The following PLXDC1 variants were observed in gnomAD, a reference collection of about 807,000 sequenced individuals.
The protein encoded by PLXDC1 is plexin domain-containing protein 1.
Under a neutral mutation model 61.3 loss-of-function variants are expected in PLXDC1, and 39 were observed. The observed-to-expected ratio is 0.64, with a 90% CI of 0.49 to 0.83. The LOEUF (loss-of-function observed/expected upper bound fraction) is 0.83. PLXDC1 is among the 40% of genes least tolerant of loss of function. The pLI is 0.00. For missense variants in PLXDC1, 596 were observed against 666.5 expected (o/e 0.89, Z 1.17); for synonymous variants, 212 against 254.5 (o/e 0.83, Z 1.59).
intron 4 of PLXDC1, 104 bp downstream of exon 4, chr17:39,108,800 C>T (rs549755478): frequency 1.3e-6 from 1 of 751,556 alleles, no homozygotes; most frequent in East Asian, 2.6e-5. Flanking sequence ...GTGCCTTCCT[C>T]CCATTTCATA....
intron 8 of PLXDC1, among the ~76,000 whole-genome samples, chr17:39,084,401 C>G (rs1048947480): frequency 6.6e-6 from 1 of 152,210 alleles, no homozygotes; most frequent in Non-Finnish European, 1.5e-5. Context: ...TCATGGTAAC[C>G]ATCTCACTGT....
rs1555573193 is a variant in PLXDC1, at chr17:39,128,117, A to ATATATATG, written c.255+11536_255+11537insCATATATA. Among the ~76,000 whole-genome samples, 299 of 96,394 alleles carry ATATATATG rather than the reference A, an allele frequency of 3.1e-3. 15 individuals are homozygous for ATATATATG. The highest frequency in any genetic ancestry group is 0.013 in the African/African-American group (265 of 19,652). 63.2% of individuals were successfully genotyped at this position (96,394 alleles called of 152,430 possible). On this transcript the variant is annotated intron_variant, in intron 2 of 13. Coordinates refer to ENST00000315392, the MANE Select transcript of PLXDC1 (RefSeq NM_020405.5). Reference sequence around the variant, plus strand: ...TATGTGTATATATATATATATATGTATATATATATGTGTATATATATGTAT... The same window carrying ATATATATG: ...TATGTGTATATATATATATATATGTATATATATGTATATATATGTGTATATATATGTAT...
chr17:39,110,857 G>A (rs913729682), intron 2 of PLXDC1, among the ~76,000 whole-genome samples: 3 of 152,166 alleles, frequency 2.0e-5, no homozygotes, highest in African/African-American at 4.8e-5. Flanking sequence ...GACGATGAGC[G>A]GAAGAAGCAT....
At chr17:39,144,096 AGGAGGCGGGATGGT>A (rs1342167972) in intron 1 of PLXDC1, among the ~76,000 whole-genome samples, 1 of 152,090 alleles carries the variant, frequency 6.6e-6, no homozygotes, top group Non-Finnish European at 1.5e-5. Flanking sequence ...GAGCCGAGAC[AGGAGGCGGGATGGT>A]GGAGGCCTGC....
At chr17:39,130,110 G>A (rs1445574856) in intron 2 of PLXDC1, among the ~76,000 whole-genome samples, 6 of 152,150 alleles carry the variant, frequency 3.9e-5, no homozygotes, top group African/African-American at 1.4e-4. Flanking sequence ...GTGGAGGAGT[G>A]AACAGGGAGC....
chr17:39,140,607 G>A (rs951440976), intron 1 of PLXDC1, among the ~76,000 whole-genome samples: 4 of 152,174 alleles, frequency 2.6e-5, no homozygotes, highest in African/African-American at 7.2e-5. Context: ...GCCTAGCCTC[G>A]ATTTCTTAAA....
At chr17:39,147,500 G>A (rs1318775177) in intron 1 of PLXDC1, among the ~76,000 whole-genome samples, 1 of 152,174 alleles carries the variant, frequency 6.6e-6, no homozygotes, top group Non-Finnish European at 1.5e-5. Context: ...GCCAGGGAAG[G>A]CTCCAAACCC....
chr17:39,075,802 G>C (rs989263734), intron 11 of PLXDC1, among the ~76,000 whole-genome samples: 1 of 152,226 alleles, frequency 6.6e-6, no homozygotes, highest in Non-Finnish European at 1.5e-5. Context: ...GACACACCAG[G>C]TGCAGTGGCT....
chr17:39,121,912 CA>C (rs1415335879), intron 2 of PLXDC1, among the ~76,000 whole-genome samples: 1 of 151,930 alleles, frequency 6.6e-6, no homozygotes, highest in Non-Finnish European at 1.5e-5. Context: ...GCCTGGCCAA[CA>C]TGGCGAAACC....
chr17:39,077,360 G>T (rs1196597266), intron 11 of PLXDC1, among the ~76,000 whole-genome samples: 1 of 152,132 alleles, frequency 6.6e-6, no homozygotes, highest in Non-Finnish European at 1.5e-5. Flanking sequence ...AGACCCCCAG[G>T]CCTCCAGGTA....
chr17:39,124,924 C>A (rs28567956), intron 2 of PLXDC1, among the ~76,000 whole-genome samples: 1 of 152,154 alleles, frequency 6.6e-6, no homozygotes, highest in African/African-American at 2.4e-5. Flanking sequence ...AGTGATCCTC[C>A]CACCTCAGCC....
At chr17:39,152,944 G>A, upstream of PLXDC1, 1 of 327,632 alleles carries the variant, frequency 3.1e-6, no homozygotes, top group Non-Finnish European at 5.5e-6. Flanking sequence ...GGCAAGGCCG[G>A]TCTGTAAATT....
intron 7 of PLXDC1, among the ~76,000 whole-genome samples, chr17:39,091,044 G>T (rs1198767028): frequency 6.6e-6 from 1 of 152,188 alleles, no homozygotes; most frequent in African/African-American, 2.4e-5. Flanking sequence ...CATCCTGCAG[G>T]CCTCTCCTCT....
chr17:39,145,638 G>A (rs994546490), intron 1 of PLXDC1, among the ~76,000 whole-genome samples: 17 of 152,244 alleles, frequency 1.1e-4, no homozygotes, highest in South Asian at 4.2e-4. Flanking sequence ...GAAAGGAGGC[G>A]AGGGGAGGGG....
intron 8 of PLXDC1, among the ~76,000 whole-genome samples, chr17:39,084,775 AG>A (rs1374295806): frequency 6.6e-6 from 1 of 152,212 alleles, no homozygotes; most frequent in Non-Finnish European, 1.5e-5. Flanking sequence ...AGGTTGCTGG[AG>A]GGCGCGTGAA....
At chr17:39,131,052 C>T (rs1406668757) in intron 2 of PLXDC1, among the ~76,000 whole-genome samples, 2 of 152,100 alleles carry the variant, frequency 1.3e-5, no homozygotes, top group African/African-American at 4.8e-5. Context: ...GGAGGGGAGA[C>T]CACCAGGACC....
At chr17:39,129,787 A>G (rs1451728086) in intron 2 of PLXDC1, among the ~76,000 whole-genome samples, 45 of 150,994 alleles carry the variant, frequency 3.0e-4, no homozygotes, top group Admixed American at 3.0e-3. Context: ...AAAAGAAAGA[A>G]AGAGAAAGAA....
chr17:39,108,984 T>G lies in PLXDC1; in HGVS notation c.400-11A>C. On this transcript the variant is annotated splice_polypyrimidine_tract_variant and intron_variant, in intron 3 of 13. Transcript: ENST00000315392. Reference sequence around the variant, plus strand: ...GGACAAGACCACTCTCTGCAGGGGATGGGAGAAAGTCAGCACGGGCCAAGC... The same window carrying G: ...GGACAAGACCACTCTCTGCAGGGGAGGGGAGAAAGTCAGCACGGGCCAAGC... The G allele has an allele frequency of 6.2e-7, 1 of 1,606,728 alleles. No individual in the cohort carries two copies. Among genetic ancestry groups the G allele is most frequent in the Non-Finnish European group, 8.5e-7 (1 of 1,173,798 alleles).
At chr17:39,096,757 G>T (rs994170386) in intron 7 of PLXDC1, 1 of 358,542 alleles carries the variant, frequency 2.8e-6, no homozygotes, top group Non-Finnish European at 5.7e-6. Context: ...TGTCAGTTTC[G>T]ATGTTGGCAA....
Sources: gnomAD v4.1 joint callset for allele counts (sites outside exome capture counted in the v4.1 genomes callset) on GRCh38, gnomAD v4.1.1 for gene constraint, MANE v1.5 for transcripts, NCBI Gene and HGNC (gene_info 2026-07-23, HGNC 2026-07-21) for gene names.